SAMMSON: variants seen among roughly 807,000 people sequenced by gnomAD.
The protein encoded by SAMMSON is long intergenic non-protein coding RNA 1212.
intron 6 of SAMMSON, among the ~76,000 whole-genome samples, chr3:70,270,018 A>G (rs1701958730): frequency 6.6e-6 from 1 of 152,254 alleles, no homozygotes; most frequent in Non-Finnish European, 1.5e-5. Flanking sequence ...GGACAAGAGT[A>G]CAGTGATAAA....
chr3:70,116,669 C>G (rs1020627790), intron 4 of SAMMSON, among the ~76,000 whole-genome samples: 1 of 151,902 alleles, frequency 6.6e-6, no homozygotes, highest in African/African-American at 2.4e-5. Flanking sequence ...CTATAACTAC[C>G]GTGTTTTGTT....
At chr3:70,154,801 G>T (rs143364981) in intron 4 of SAMMSON, among the ~76,000 whole-genome samples, 1 of 152,132 alleles carries the variant, frequency 6.6e-6, no homozygotes, top group Non-Finnish European at 1.5e-5. Context: ...TCTTATGGTA[G>T]GCCATGCTAC....
At chr3:70,207,082 C>T (rs1349233751) in intron 4 of SAMMSON, among the ~76,000 whole-genome samples, 3 of 145,824 alleles carry the variant, frequency 2.1e-5, no homozygotes, top group Non-Finnish European at 4.5e-5. Context: ...GCAATTCATT[C>T]ACTTGGATCA....
chr3:70,164,990 TTTCAAG>T (rs1319959615), intron 4 of SAMMSON, among the ~76,000 whole-genome samples: 3 of 152,022 alleles, frequency 2.0e-5, no homozygotes, highest in African/African-American at 4.8e-5. Context: ...TCAAGATATG[TTTCAAG>T]ATATGTACAG....
intron 7 of SAMMSON, among the ~76,000 whole-genome samples, chr3:70,299,756 T>C (rs1702328803): frequency 6.6e-6 from 1 of 152,132 alleles, no homozygotes. Flanking sequence ...ACAAATCTTT[T>C]CTAAAGCACA....
chr3:70,272,611 T>C (rs1701985555), intron 6 of SAMMSON, among the ~76,000 whole-genome samples: 1 of 152,222 alleles, frequency 6.6e-6, no homozygotes, highest in Non-Finnish European at 1.5e-5. Flanking sequence ...TTCTCTTGGG[T>C]AAATACCTAG....
chr3:70,070,049 A>C (rs2107594324), intron 3 of SAMMSON: 1 of 152,184 alleles, frequency 6.6e-6, no homozygotes, highest in South Asian at 2.1e-4. Context: ...TTTTAGTGAG[A>C]ATCTATTCCA....
intron 1 of SAMMSON, among the ~76,000 whole-genome samples, chr3:70,007,173 T>C (rs891579874): frequency 6.6e-6 from 1 of 152,184 alleles, no homozygotes; most frequent in Non-Finnish European, 1.5e-5. Context: ...AGTAATGGGA[T>C]TGCTGGGTCA....
intron 4 of SAMMSON, among the ~76,000 whole-genome samples, chr3:70,158,758 G>T (rs1192583996): frequency 6.6e-6 from 1 of 152,008 alleles, no homozygotes; most frequent in African/African-American, 2.4e-5. Context: ...AGACTTTAGA[G>T]TTAAATCAAA....
rs542523015 is a variant in SAMMSON, at chr3:70,401,942, C to A, written n.233+43618C>A. 2.0e-5 allele frequency among the ~76,000 whole-genome samples: 3 copies of A among 152,266 alleles called. No homozygotes were observed. In the East Asian group the frequency reaches 5.8e-4, roughly 29 times the overall value. ...TTACTAAAGAAGTGCTTGTCCTCTT[C>A]CTAATCACATTTCTTTAGTATGTCT... On this transcript the variant is annotated intron_variant and non_coding_transcript_variant, in intron 2 of 3. Coordinates refer to the SAMMSON transcript ENST00000641053.
intron 9 of SAMMSON, among the ~76,000 whole-genome samples, chr3:70,371,076 T>G (rs1184419627): frequency 2.0e-5 from 3 of 152,124 alleles, no homozygotes; most frequent in Non-Finnish European, 4.4e-5. Context: ...AGGATGTCCT[T>G]TCCCCAATGT....
chr3:70,299,531 C>T (rs1323613661), intron 7 of SAMMSON, among the ~76,000 whole-genome samples: 1 of 152,122 alleles, frequency 6.6e-6, no homozygotes, highest in African/African-American at 2.4e-5. Context: ...TCTGACAACT[C>T]CTGTCTCTCT....
At chr3:70,177,629 A>C (rs1185910660) in intron 4 of SAMMSON, among the ~76,000 whole-genome samples, 1 of 152,260 alleles carries the variant, frequency 6.6e-6, no homozygotes, top group African/African-American at 2.4e-5. Flanking sequence ...TAATACTAAA[A>C]TTTATTGAGA....
chr3:70,152,855 A>G (rs906402642), intron 4 of SAMMSON, among the ~76,000 whole-genome samples: 2 of 151,984 alleles, frequency 1.3e-5, no homozygotes, highest in Non-Finnish European at 2.9e-5. Context: ...TTCCAGGGGG[A>G]GTGCCACAAT....
intron 2 of SAMMSON, among the ~76,000 whole-genome samples, chr3:70,408,276 C>A (rs914253504): frequency 2.6e-5 from 4 of 152,224 alleles, no homozygotes; most frequent in African/African-American, 7.2e-5. Flanking sequence ...ACATTCAGCT[C>A]CTCGTTGCTT....
At chr3:70,393,679 G>A (rs554257128), downstream of SAMMSON, among the ~76,000 whole-genome samples, 111 of 152,238 alleles carry the variant, frequency 7.3e-4, no homozygotes, top group Non-Finnish European at 1.3e-3. Context: ...AAGTTTGAAG[G>A]ATGGCAAGGA....
chr3:70,081,481 C>T (rs1005917452), intron 4 of SAMMSON, among the ~76,000 whole-genome samples: 1 of 152,182 alleles, frequency 6.6e-6, no homozygotes, highest in Admixed American at 6.5e-5. Context: ...TTCATCCTAA[C>T]AAGACTGTAA....
chr3:70,045,137 T>C (rs1291828753), intron 3 of SAMMSON, among the ~76,000 whole-genome samples: 14 of 131,100 alleles, frequency 1.1e-4, no homozygotes, highest in Non-Finnish European at 7.8e-5. Flanking sequence ...TAATATATTA[T>C]AATTTATATA....
intron 6 of SAMMSON, among the ~76,000 whole-genome samples, chr3:70,258,821 C>T (rs545138709): frequency 3.3e-5 from 5 of 152,092 alleles, no homozygotes; most frequent in Non-Finnish European, 7.4e-5. Context: ...TAGAAGGAGG[C>T]ACACAAAAAC....
Sources: allele counts gnomAD v4.1 joint callset (sites outside exome capture counted in the v4.1 genomes callset), GRCh38; gene constraint gnomAD v4.1.1; transcripts MANE v1.5; gene names NCBI Gene and HGNC (gene_info 2026-07-23, HGNC 2026-07-21).